Variants in SPINK8 observed in about 807,000 individuals in gnomAD.
SPINK8 encodes the protein serine peptidase inhibitor Kazal type 8 (putative).
Under a neutral mutation model 14.4 loss-of-function variants are expected in SPINK8, and 12 were observed. The observed-to-expected ratio is 0.83, with a 90% CI of 0.53 to 1.35. The LOEUF is 1.35. SPINK8 is among the 40% of genes most tolerant of loss of function. SPINK8 has a pLI of 0.00. For synonymous variants in SPINK8, 32 were observed against 37.6 expected, an observed-to-expected ratio of 0.85 and a Z score of 0.55; for missense variants, 103 against 117.0, an observed-to-expected ratio of 0.88 and a Z score of 0.55.
chr3:48,307,961 CTTTTTTTTTTTTTT>C (rs869147798), intron 7 of SPINK8, among the ~76,000 whole-genome samples: 5 of 68,214 alleles, frequency 7.3e-5, no homozygotes, highest in Non-Finnish European at 7.9e-5. Flanking sequence ...AGTCTGCATT[CTTTTTTTTTTTTTT>C]TTTTTTTTTT....
intron 6 of SPINK8, among the ~76,000 whole-genome samples, chr3:48,318,593 G>A (rs891448660): frequency 3.3e-5 from 5 of 152,200 alleles, no homozygotes; most frequent in Non-Finnish European, 5.9e-5. Flanking sequence ...CAGTGATTGA[G>A]GCTGACACCA....
At chr3:48,307,135 G>C in intron 7 of SPINK8, 132 bp from the exon 8 acceptor site, 1 of 883,156 alleles carries the variant, frequency 1.1e-6, no homozygotes, top group Non-Finnish European at 1.7e-6. Flanking sequence ...AGGCAGGTTA[G>C]AGACATTCTA....
rs1055689005 is a variant in SPINK8, at chr3:48,309,907, T to C, written c.279A>G (p.Gln93=). 6.9e-7 allele frequency: 1 copy of C among 1,452,672 alleles called. No individual in the cohort carries two copies. Among genetic ancestry groups the C allele is most frequent in the Non-Finnish European group, 9.0e-7 (1 of 1,105,130 alleles). 90.0% of individuals were successfully genotyped at this position (1,452,672 alleles called of 1,614,324 possible). A position where few individuals can be genotyped will look rare whatever the true frequency, so the allele number is the denominator to read the frequency against. ...AAATAAAAGTGTCTTTACTTACACATTGTCCATCATACAGTTTAGTTATGT... is the reference window on the plus strand; with the variant it reads ...AAATAAAAGTGTCTTTACTTACACACTGTCCATCATACAGTTTAGTTATGT... The part of the protein sequence containing the change: ...GLNITKLYDG[Q]CENS The change falls in exon 7 of 8, where the codon CAA becomes CAG. Residue 93 remains glutamine, a synonymous_variant. Transcript: ENST00000434006.
intron 6 of SPINK8, 79 bp downstream of exon 6, chr3:48,319,418 T>G: frequency 6.6e-7 from 1 of 1,524,946 alleles, no homozygotes; most frequent in South Asian, 1.2e-5. Flanking sequence ...ATGTAGGAAG[T>G]GGGCTGAGGT....
At chr3:48,331,943 A>G (rs972598838) in intron 2 of SPINK8, among the ~76,000 whole-genome samples, 1 of 152,198 alleles carries the variant, frequency 6.6e-6, no homozygotes, top group Non-Finnish European at 1.5e-5. Context: ...CGCTTGCCCC[A>G]GGCACCCTCA....
In SPINK8 at chr3:48,321,065, A is replaced by C. The variant is rs769553459; in HGVS notation, c.77T>G (p.Leu26Arg). The C allele has an allele frequency of 3.8e-6, 6 of 1,584,292 alleles. No individual in the cohort carries two copies. The highest frequency in any genetic ancestry group is 4.3e-6 in the Non-Finnish European group (5 of 1,163,912). The change falls in exon 5 of 8, where the codon CTT becomes CGT. Residue 26 changes from leucine (L) to arginine (R), a missense_variant. Leu to Arg is a moderately radical substitution (Grantham distance 102). Coordinates refer to ENST00000434006, the MANE Select transcript of SPINK8 (RefSeq NM_001080525.3). Reference protein sequence around the residue: ...MWMAFAIDFPLPMASERGQLD... With the variant: ...MWMAFAIDFPRPMASERGQLD... ...CTGACCTCTTTCAGAGGCCATAGGAAGGGGGAAGTCTGGAAGACAAAAGCA... is the reference window on the plus strand; with the variant it reads ...CTGACCTCTTTCAGAGGCCATAGGACGGGGGAAGTCTGGAAGACAAAAGCA...
intron 7 of SPINK8, among the ~76,000 whole-genome samples, chr3:48,308,063 T>A (rs1258801770): frequency 7.4e-6 from 1 of 134,392 alleles, no homozygotes; most frequent in African/African-American, 2.8e-5. Flanking sequence ...AAGCTCCACC[T>A]CCCGGGTTCA....
intron 6 of SPINK8, among the ~76,000 whole-genome samples, chr3:48,311,668 G>A (rs2035925812): frequency 6.6e-6 from 1 of 152,100 alleles, no homozygotes; most frequent in Non-Finnish European, 1.5e-5. Context: ...AAAATACTTA[G>A]TAAGAATCCT....
intron 6 of SPINK8, among the ~76,000 whole-genome samples, chr3:48,313,315 G>T (rs2035947605): frequency 6.6e-6 from 1 of 152,040 alleles, no homozygotes; most frequent in African/African-American, 2.4e-5. Context: ...AATGGGCAAA[G>T]GACTTGAGTA....
chr3:48,306,848 G>T lies in SPINK8; in HGVS notation c.*144C>A. ...GAAATGTTTGCCAGCCAGGTTTTCT[G>T]CTAAGAATCATTTATTGAAGACATA... On this transcript the variant is annotated 3_prime_UTR_variant, in exon 8 of 8. Coordinates refer to ENST00000434006, the MANE Select transcript of SPINK8 (RefSeq NM_001080525.3). 2.6e-6 allele frequency: 2 copies of T among 764,762 alleles called. No individual in the cohort carries two copies. The highest frequency in any genetic ancestry group is 2.0e-5 in the South Asian group (1 of 50,716). 47.4% of individuals were successfully genotyped at this position (764,762 alleles called of 1,614,324 possible).
chr3:48,322,629 C>T (rs1449030698), intron 4 of SPINK8, among the ~76,000 whole-genome samples: 1 of 152,220 alleles, frequency 6.6e-6, no homozygotes, highest in East Asian at 1.9e-4. Flanking sequence ...AGCCATCAAG[C>T]CCAGCCTCTA....
rs370913985 is a variant in SPINK8 at position 48,306,919 on chromosome 3, T to G, written c.*73A>C. The stretch of plus-strand genomic sequence containing the variant: ...CCATTAGTAATTAAAGGGGATATAT[T>G]TGAAGAGGCAACCATTGTGTTTCAC... On this transcript the variant is annotated 3_prime_UTR_variant, in exon 8 of 8. Coordinates refer to ENST00000434006, the MANE Select transcript of SPINK8 (RefSeq NM_001080525.3). 6.0e-6 allele frequency: 9 copies of G among 1,510,350 alleles called. No homozygotes were observed. The African/African-American group carries it at 1.1e-4, about 18-fold the overall frequency. 93.6% of individuals were successfully genotyped at this position (1,510,350 alleles called of 1,614,324 possible). A position where few individuals can be genotyped will look rare whatever the true frequency, so the allele number is the denominator to read the frequency against.
intron 4 of SPINK8, among the ~76,000 whole-genome samples, chr3:48,321,984 C>T (rs999892363): frequency 2.0e-5 from 3 of 151,910 alleles, no homozygotes; most frequent in Non-Finnish European, 4.4e-5. Flanking sequence ...AACTTATTTT[C>T]TTGATTTTTT....
chr3:48,329,122 A>G (rs2036183297), intron 3 of SPINK8, among the ~76,000 whole-genome samples, 31 bp downstream of exon 3: 1 of 152,232 alleles, frequency 6.6e-6, no homozygotes, highest in South Asian at 2.1e-4. Flanking sequence ...TACAACCCTT[A>G]AAAGTTTGCA....
intron 7 of SPINK8, among the ~76,000 whole-genome samples, chr3:48,307,541 A>G (rs201485204): frequency 2.4e-5 from 1 of 42,426 alleles, no homozygotes; most frequent in African/African-American, 9.3e-5. Flanking sequence ...TCTGCCCCCC[A>G]CCCCCCCACC....
chr3:48,325,703 C>T (rs1490921449), intron 4 of SPINK8, among the ~76,000 whole-genome samples: 2 of 151,762 alleles, frequency 1.3e-5, no homozygotes, highest in African/African-American at 4.8e-5. Context: ...AGTGATTCTC[C>T]TGCTTCAGCC....
intron 3 of SPINK8, 104 bp from the exon 4 acceptor site, chr3:48,328,458 T>C (rs1028670322): frequency 1.7e-5 from 12 of 688,324 alleles, no homozygotes; most frequent in Admixed American, 1.4e-4. Flanking sequence ...AATACTTTGT[T>C]CTTTCCTCAG....
chr3:48,320,867 A>T (rs1054589356), intron 5 of SPINK8, among the ~76,000 whole-genome samples, 158 bp downstream of exon 5: 1 of 152,176 alleles, frequency 6.6e-6, no homozygotes, highest in Non-Finnish European at 1.5e-5. Context: ...GAACATATAA[A>T]ATGTGCTACA....
chr3:48,312,539 A>C (rs942242917), intron 6 of SPINK8, among the ~76,000 whole-genome samples: 1 of 152,142 alleles, frequency 6.6e-6, no homozygotes, highest in Non-Finnish European at 1.5e-5. Flanking sequence ...GCCACTGGGG[A>C]TGCTGAGGCA....
Sources: gnomAD v4.1 joint callset for allele counts (sites outside exome capture counted in the v4.1 genomes callset) on GRCh38, gnomAD v4.1.1 for gene constraint, MANE v1.5 for transcripts, NCBI Gene and HGNC (gene_info 2026-07-23, HGNC 2026-07-21) for gene names.